Variants in WNT9B observed in about 807,000 individuals in gnomAD.
The protein encoded by WNT9B is protein Wnt-9b.
In WNT9B, 12 loss-of-function variants were observed where a neutral mutation model predicts 30.2. The ratio of observed to expected loss-of-function variants is 0.40; its 90% CI spans 0.26 to 0.64. The LOEUF (loss-of-function observed/expected upper bound fraction) is 0.64. Ranked by LOEUF, WNT9B falls within the 30% of genes least tolerant of loss-of-function variation. The pLI, the probability that WNT9B is intolerant of heterozygous loss-of-function variation, is 0.42. For synonymous variants in WNT9B, 218 were observed against 216.9 expected, an observed-to-expected ratio of 1.01 and a Z score of -0.05; for missense variants, 442 against 485.2, an observed-to-expected ratio of 0.91 and a Z score of 0.84.
downstream of WNT9B, among the ~76,000 whole-genome samples, chr17:46,882,725 C>T (rs912711438): frequency 2.0e-5 from 3 of 152,182 alleles, no homozygotes; most frequent in Admixed American, 6.5e-5. Context: ...ACCGATCATG[C>T]AGCAAACACG....
exon 1 of WNT9B, chr17:46,833,342 T>C: frequency 1.9e-6 from 1 of 517,922 alleles, no homozygotes; most frequent in Non-Finnish European, 3.9e-6. Context: ...CTTGTATCAA[T>C]TGCATGAAAG....
chr17:46,838,679 T>C (rs941254180), intron 1 of WNT9B, among the ~76,000 whole-genome samples: 2 of 152,028 alleles, frequency 1.3e-5, no homozygotes, highest in African/African-American at 2.4e-5. Context: ...AAAGTACATA[T>C]ACACACACAT....
intron 1 of WNT9B, among the ~76,000 whole-genome samples, chr17:46,856,442 C>G (rs1267591317): frequency 6.6e-6 from 1 of 151,974 alleles, no homozygotes; most frequent in East Asian, 1.9e-4. Context: ...TCTTTATTTT[C>G]CCCCCAAATC....
At chr17:46,872,305 C>T (rs1050427388) in intron 1 of WNT9B, among the ~76,000 whole-genome samples, 6 of 152,150 alleles carry the variant, frequency 3.9e-5, no homozygotes, top group Non-Finnish European at 7.4e-5. Context: ...GAGCAGAGAC[C>T]GGAATCTGGA....
intron 1 of WNT9B, among the ~76,000 whole-genome samples, chr17:46,845,198 T>A (rs914060242): frequency 1.3e-5 from 2 of 152,208 alleles, no homozygotes; most frequent in Non-Finnish European, 2.9e-5. Context: ...CTGTGTGGAA[T>A]GCCTTTCTGT....
chr17:46,854,083 C>T (rs1212761675), intron 1 of WNT9B, among the ~76,000 whole-genome samples: 2 of 152,152 alleles, frequency 1.3e-5, no homozygotes, highest in African/African-American at 4.8e-5. Flanking sequence ...ACACAAAAGC[C>T]ACCACCACCC....
At chr17:46,855,306 C>T (rs780950857) in intron 1 of WNT9B, among the ~76,000 whole-genome samples, 3 of 152,176 alleles carry the variant, frequency 2.0e-5, no homozygotes, top group Admixed American at 6.5e-5. Context: ...TGGATAAGGC[C>T]GCACATTCTT....
At chr17:46,843,481 T>C (rs889442174) in intron 1 of WNT9B, among the ~76,000 whole-genome samples, 1 of 152,216 alleles carries the variant, frequency 6.6e-6, no homozygotes, top group Non-Finnish European at 1.5e-5. Context: ...CATTGCTGCA[T>C]CTCAGTTGCC....
At position 46,876,646 on chromosome 17, in the gene WNT9B, G is replaced by C. The variant is rs760652296; in HGVS notation, c.1002G>C (p.Gln334His). 1 of 1,607,352 alleles carries C rather than the reference G, an allele frequency of 6.2e-7. No homozygotes were observed. The highest frequency in any genetic ancestry group is 8.5e-7 in the Non-Finnish European group (1 of 1,175,256). The change falls in exon 4 of 4, where the codon CAG becomes CAC. Residue 334 changes from glutamine (Q) to histidine (H), a missense_variant. Physicochemically the swap from Gln to His is conservative, Grantham distance 24. Transcript: ENST00000290015. ...SRLVAFSCHC[Q>H]VQWCCYVECQ... ...TGGTGGCCTTCTCCTGCCACTGCCA[G>C]GTGCAGTGGTGCTGCTACGTGGAGT...
At chr17:46,869,391 G>A (rs1446718169) in intron 1 of WNT9B, among the ~76,000 whole-genome samples, 1 of 152,214 alleles carries the variant, frequency 6.6e-6, no homozygotes, top group East Asian at 1.9e-4. Context: ...TCCCTCCAGG[G>A]TCTCTTCCCC....
chr17:46,876,380 G>A lies in WNT9B; in HGVS notation c.736G>A (p.Val246Ile), dbSNP rs748976950. Residue 246 changes from valine to isoleucine, a missense_variant, in exon 4 of 4, where the codon GTC becomes ATC. Coordinates refer to ENST00000290015, the MANE Select transcript of WNT9B (RefSeq NM_003396.3). The part of the protein sequence containing the change: ...QVLKLRYDSA[V>I]KVSSATNEAL... ...GCTGAAACTGCGCTATGACTCGGCT[G>A]TCAAGGTGTCCAGTGCCACCAATGA... is the stretch of plus-strand genomic sequence containing the variant. 1.2e-6 allele frequency: 2 copies of A among 1,613,974 alleles called. No individual in the cohort carries two copies. The highest frequency in any genetic ancestry group is 8.5e-7 in the Non-Finnish European group (1 of 1,180,052).
At chr17:46,834,473 G>A (rs1479424835) in intron 1 of WNT9B, among the ~76,000 whole-genome samples, 1 of 152,180 alleles carries the variant, frequency 6.6e-6, no homozygotes, top group Non-Finnish European at 1.5e-5. Context: ...GCCTGCCGAG[G>A]CATGGCTGGG....
chr17:46,872,697 G>T lies in WNT9B; in HGVS notation c.258G>T (p.Leu86=). ...TGAGGGATGCTGCGCACCTCGGCCT[G>T]CTTGAGTGCCAGTTTCAGTTCCGGC... ...ETLRDAAHLG[L]LECQFQFRHE... Residue 86 remains leucine, a synonymous_variant, in exon 2 of 4, where the codon CTG becomes CTT. Coordinates refer to ENST00000290015, the MANE Select transcript of WNT9B (RefSeq NM_003396.3). 1 of 1,613,538 alleles carries T rather than the reference G, an allele frequency of 6.2e-7. No individual in the cohort carries two copies. Among genetic ancestry groups the T allele is most frequent in the Non-Finnish European group, 8.5e-7 (1 of 1,179,992 alleles).
rs1311027164 is a variant in WNT9B at position 46,843,201 on chromosome 17, C to T, written c.95+9761C>T. On this transcript the variant is annotated intron_variant, in intron 1 of 2. Coordinates refer to the WNT9B transcript ENST00000575372. ...AATGAAAATGATATTTCAGAATCAA[C>T]AACAGATTGGAAAGGCTTAACTAGT... Among the ~76,000 whole-genome samples the T allele has an allele frequency of 6.6e-5, 10 of 152,326 alleles. No individual in the cohort carries two copies. In the East Asian group the frequency reaches 1.9e-3, roughly 29 times the overall value.
exon 1 of WNT9B, chr17:46,833,398 C>T (rs764731254): frequency 1.9e-6 from 1 of 518,140 alleles, no homozygotes; most frequent in South Asian, 1.4e-5. Context: ...GGCCTGAATG[C>T]CAGTCCTGGG....
At chr17:46,848,587 C>T (rs1598833951), upstream of WNT9B, among the ~76,000 whole-genome samples, 4 of 152,354 alleles carry the variant, frequency 2.6e-5, no homozygotes, top group East Asian at 1.9e-4. Flanking sequence ...TTTTCACTGC[C>T]GTCTCCCCCT....
chr17:46,876,215 G>A, intron 3 of WNT9B, 30 bp from the exon 4 acceptor site: 1 of 1,566,200 alleles, frequency 6.4e-7, no homozygotes, highest in Middle Eastern at 1.7e-4. Context: ...CCAGGCCTCT[G>A]ACCACGCCTC....
rs148393089 is a variant in WNT9B, at chr17:46,872,645, G to A, written c.206G>A (p.Arg69Gln). ...KLSRRQKQLC[R>Q]REPGLAETLR... The stretch of plus-strand genomic sequence containing the variant: ...TCCCGGCGGCAGAAGCAGCTCTGCC[G>A]GAGGGAGCCCGGCCTGGCTGAGACC... Residue 69 changes from arginine to glutamine, a missense_variant, in exon 2 of 4, where the codon CGG (arginine) becomes CAG (glutamine). By Grantham distance (43) the Arg-to-Gln change is conservative. Coordinates refer to ENST00000290015, the MANE Select transcript of WNT9B (RefSeq NM_003396.3). 59 of 1,613,546 alleles carry A rather than the reference G, an allele frequency of 3.7e-5. No individual in the cohort carries two copies. Among genetic ancestry groups the A allele is most frequent in the East Asian group, 2.2e-4 (10 of 44,882 alleles).
chr17:46,875,391 A>T, intron 3 of WNT9B, 25 bp downstream of exon 3: 1 of 1,566,832 alleles, frequency 6.4e-7, no homozygotes, highest in Non-Finnish European at 8.7e-7. Context: ...GGCTGCCCGC[A>T]GTGCCTTCCC....
Sources: gnomAD v4.1 joint callset for allele counts (sites outside exome capture counted in the v4.1 genomes callset) on GRCh38, gnomAD v4.1.1 for gene constraint, MANE v1.5 for transcripts, NCBI Gene and HGNC (gene_info 2026-07-23, HGNC 2026-07-21) for gene names.